DNAH11: variants seen among roughly 807,000 people sequenced by gnomAD.
DNAH11 encodes dynein axonemal heavy chain 11, also known as axonemal beta dynein heavy chain 11.
Under a neutral mutation model 526.0 loss-of-function variants are expected in DNAH11, and 442 were observed. That is an observed-to-expected ratio of 0.84 (90% CI 0.78 to 0.91). The LOEUF is 0.91. Ranked by LOEUF, DNAH11 falls within the 40% of genes least tolerant of loss-of-function variation. The pLI is 0.00. For missense variants in DNAH11, 6,989 were observed against 5,448.7 expected, an observed-to-expected ratio of 1.28 and a Z score of -8.90; for synonymous variants, 2,461 against 1,935.9, an observed-to-expected ratio of 1.27 and a Z score of -7.12.
chr7:21,681,622 T>G lies in DNAH11; in HGVS notation c.5405T>G (p.Ile1802Ser). Residue 1802 changes from isoleucine to serine, a missense_variant, in exon 31 of 82, where the codon ATT becomes AGT. Physicochemically the swap from Ile to Ser is moderately radical, Grantham distance 142 (BLOSUM62 -2). Coordinates refer to ENST00000409508, the MANE Select transcript of DNAH11 (RefSeq NM_001277115.2). ...GGAGACAGACAGAAGATCATGACAA[T>G]TTGTACCATAGATGTCCATGCCAGA... ...PPGDRQKIMT[I>S]CTIDVHARDV... 6.2e-7 allele frequency: 1 copy of G among 1,613,898 alleles called. No individual in the cohort carries two copies. The highest frequency in any genetic ancestry group is 8.5e-7 in the Non-Finnish European group (1 of 1,179,816).
intron 9 of DNAH11, among the ~76,000 whole-genome samples, chr7:21,583,442 T>C (rs2128441331): frequency 6.6e-6 from 1 of 152,264 alleles, no homozygotes; most frequent in East Asian, 1.9e-4. Flanking sequence ...TTAAGATGGA[T>C]TAAAGACTTA....
intron 62 of DNAH11, among the ~76,000 whole-genome samples, chr7:21,804,513 C>G (rs1211344285): frequency 6.6e-6 from 1 of 152,192 alleles, no homozygotes; most frequent in Non-Finnish European, 1.5e-5. Flanking sequence ...TATGCAAAAA[C>G]TCATAATTCA....
At chr7:21,741,355 AG>A (rs1473568481) in intron 48 of DNAH11, among the ~76,000 whole-genome samples, 1 of 152,232 alleles carries the variant, frequency 6.6e-6, no homozygotes, top group Non-Finnish European at 1.5e-5. Context: ...CATCTACTGA[AG>A]GACACCTTGG....
chr7:21,562,901 C>G (rs963389554), intron 5 of DNAH11, among the ~76,000 whole-genome samples: 3 of 152,156 alleles, frequency 2.0e-5, no homozygotes, highest in African/African-American at 7.2e-5. Flanking sequence ...TGGGTTCATC[C>G]TTGACTCCTG....
intron 30 of DNAH11, among the ~76,000 whole-genome samples, chr7:21,673,500 C>A (rs528105317): frequency 2.8e-4 from 43 of 152,288 alleles, no homozygotes; most frequent in African/African-American, 9.4e-4. Context: ...TCCCTCCCCC[C>A]ACAGCATCCT....
intron 32 of DNAH11, among the ~76,000 whole-genome samples, chr7:21,686,312 C>T (rs773149259): frequency 2.0e-5 from 3 of 152,166 alleles, no homozygotes; most frequent in East Asian, 1.9e-4. Flanking sequence ...ATTAGTCTCT[C>T]GTCTCCTGAC....
At chr7:21,899,226 G>C in intron 79 of DNAH11, 110 bp from the exon 80 acceptor site, 1 of 811,396 alleles carries the variant, frequency 1.2e-6, no homozygotes. Context: ...GCTAGCAGTG[G>C]TATACTTCTC....
chr7:21,794,712 T>C (rs1386889985), intron 61 of DNAH11, among the ~76,000 whole-genome samples: 1 of 150,924 alleles, frequency 6.6e-6, no homozygotes, highest in Admixed American at 6.6e-5. Flanking sequence ...GAGTTGCTAG[T>C]CTGACCTTCC....
chr7:21,739,549 G>A (rs1334620196), intron 47 of DNAH11, 22 bp from the exon 48 acceptor site: 1 of 1,594,904 alleles, frequency 6.3e-7, no homozygotes, highest in Admixed American at 1.7e-5. Flanking sequence ...TTGGATTTAA[G>A]GTTCTGTTTT....
chr7:21,639,932 G>T (rs1263958808), intron 28 of DNAH11, among the ~76,000 whole-genome samples: 2 of 151,762 alleles, frequency 1.3e-5, no homozygotes, highest in Non-Finnish European at 2.9e-5. Context: ...TAGAATCTGT[G>T]TCTGTTCACA....
chr7:21,868,136 G>A (rs1009389319), intron 72 of DNAH11, 129 bp downstream of exon 72: 1 of 847,594 alleles, frequency 1.2e-6, no homozygotes, highest in Admixed American at 4.1e-5. Flanking sequence ...GTTGAAGATT[G>A]GGTGTATGGA....
intron 60 of DNAH11, 86 bp downstream of exon 60, chr7:21,787,669 A>G: frequency 1.6e-6 from 2 of 1,225,898 alleles, no homozygotes; most frequent in South Asian, 3.8e-5. Flanking sequence ...GAAGAGTAAA[A>G]TTTGTTATTT....
intron 46 of DNAH11, 48 bp from the exon 47 acceptor site, chr7:21,738,653 A>T (rs1306334383): frequency 9.4e-6 from 14 of 1,491,674 alleles, no homozygotes; most frequent in Non-Finnish European, 1.3e-5. Context: ...GACTAAATGA[A>T]CATTTACATT....
rs767572611 is a variant in DNAH11, at chr7:21,543,215, C to G, written c.-31C>G. ...CCCAGAGTCTCGGGTGAGGAGCCAG[C>G]CGGCCTCGCGTTCCCTCGGACGGTT... On this transcript the variant is annotated 5_prime_UTR_variant, in exon 1 of 82. Coordinates refer to ENST00000409508, the MANE Select transcript of DNAH11 (RefSeq NM_001277115.2). The G allele has an allele frequency of 1.3e-6, 2 of 1,488,870 alleles. No individual in the cohort carries two copies. Among genetic ancestry groups the G allele is most frequent in the Non-Finnish European group, 8.9e-7 (1 of 1,122,738 alleles). 92.2% of individuals were successfully genotyped at this position (1,488,870 alleles called of 1,614,324 possible).
intron 76 of DNAH11, among the ~76,000 whole-genome samples, chr7:21,890,261 T>G (rs1583816342): frequency 6.6e-6 from 1 of 152,214 alleles, no homozygotes; most frequent in Non-Finnish European, 1.5e-5. Flanking sequence ...CAGGCCCTTT[T>G]GAGTTGGCTG....
Position 21,690,777 on chromosome 7 carries a change from TG to T in DNAH11, c.5941del (p.Glu1981LysfsTer5). ...RNRKKRFVFLGEAITLKPSVG... is the reference protein window; with the variant it reads ...RNRKKRFVFLXEAITLKPSVG... ...CTTTTTATGGTAGATTTGTATTTCT[TG>T]GGGAAGCTATCACACTGAAGCCATC... On this transcript the variant is annotated frameshift_variant, in exon 35 of 82. Transcript: ENST00000409508. LOFTEE classifies it high-confidence loss of function. 6.2e-7 allele frequency: 1 copy of T among 1,607,430 alleles called. No homozygotes were observed. The highest frequency in any genetic ancestry group is 8.5e-7 in the Non-Finnish European group (1 of 1,176,752).
intron 69 of DNAH11, among the ~76,000 whole-genome samples, 159 bp downstream of exon 69, chr7:21,862,182 T>A (rs72658807): frequency 6.6e-6 from 1 of 151,732 alleles, no homozygotes; most frequent in Admixed American, 6.6e-5. Flanking sequence ...CACAGGGAAC[T>A]TGGGCATGTG....
intron 67 of DNAH11, among the ~76,000 whole-genome samples, chr7:21,852,915 C>T (rs1405897020): frequency 1.3e-5 from 2 of 152,174 alleles, no homozygotes; most frequent in Admixed American, 6.5e-5. Context: ...GGCCTGCTGG[C>T]TTCTATGGCT....
chr7:21,582,610 T>G (rs1784350917), intron 9 of DNAH11, among the ~76,000 whole-genome samples: 1 of 152,126 alleles, frequency 6.6e-6, no homozygotes, highest in Non-Finnish European at 1.5e-5. Flanking sequence ...GAAATACAGT[T>G]AAGAGTTATA....
Sources: allele counts gnomAD v4.1 joint callset (sites outside exome capture counted in the v4.1 genomes callset), GRCh38; gene constraint gnomAD v4.1.1; transcripts MANE v1.5; gene names NCBI Gene and HGNC (gene_info 2026-07-23, HGNC 2026-07-21).